ARHGAP32: variants seen among roughly 807,000 people sequenced by gnomAD.
ARHGAP32 encodes the protein Rho GTPase activating protein 32.
In ARHGAP32, 51 loss-of-function variants were observed where a neutral mutation model predicts 186.5. The ratio of observed to expected loss-of-function variants is 0.27; its 90% CI spans 0.22 to 0.35. ARHGAP32 has a LOEUF of 0.35. Ranked by LOEUF, ARHGAP32 falls within the 10% of genes least tolerant of loss-of-function variation. The pLI is 1.00. For synonymous variants in ARHGAP32, 950 were observed against 964.3 expected (o/e 0.99, Z 0.27); for missense variants, 2,186 against 2,623.5 (o/e 0.83, Z 3.64).
chr11:129,057,423 G>A (rs1940296659), intron 10 of ARHGAP32, among the ~76,000 whole-genome samples: 1 of 152,078 alleles, frequency 6.6e-6, no homozygotes, highest in Non-Finnish European at 1.5e-5. Flanking sequence ...AGCCCTAAAG[G>A]TGGCTCAACC....
chr11:129,192,761 C>A (rs1818367344), upstream of ARHGAP32, among the ~76,000 whole-genome samples: 1 of 152,140 alleles, frequency 6.6e-6, no homozygotes, highest in African/African-American at 2.4e-5. Context: ...TCTTTCCTTC[C>A]TCTCAGTAAG....
At chr11:129,016,573 C>T (rs1357776203) in intron 11 of ARHGAP32, among the ~76,000 whole-genome samples, 1 of 152,130 alleles carries the variant, frequency 6.6e-6, no homozygotes, top group Non-Finnish European at 1.5e-5. Flanking sequence ...GCATGTAAGA[C>T]GTCTGTTTCT....
At chr11:129,120,131 T>C (rs1169947562) in intron 5 of ARHGAP32, among the ~76,000 whole-genome samples, 3 of 152,064 alleles carry the variant, frequency 2.0e-5, no homozygotes, top group African/African-American at 7.2e-5. Context: ...TGTAAGGTGA[T>C]AGCAGAGAAG....
intron 6 of ARHGAP32, among the ~76,000 whole-genome samples, chr11:129,073,279 T>C (rs1294696931): frequency 6.6e-6 from 1 of 152,158 alleles, no homozygotes; most frequent in Non-Finnish European, 1.5e-5. Flanking sequence ...GAGTCAAAGA[T>C]GGCAGGAATG....
chr11:129,184,135 C>T (rs1944108931), intron 1 of ARHGAP32, among the ~76,000 whole-genome samples: 1 of 151,974 alleles, frequency 6.6e-6, no homozygotes, highest in African/African-American at 2.4e-5. Context: ...ATGCTTGCCC[C>T]CAGGGTACTA....
rs60940372 is a variant in ARHGAP32 at position 129,086,017 on chromosome 11, CA to C, written c.531+7603del. Among the ~76,000 whole-genome samples, 618 of 127,850 alleles carry C rather than the reference CA, an allele frequency of 4.8e-3. 9 individuals are homozygous for C. Among genetic ancestry groups the C allele is most frequent in the African/African-American group, 0.016 (542 of 34,832 alleles). 83.9% of individuals were successfully genotyped at this position (127,850 alleles called of 152,430 possible). On this transcript the variant is annotated intron_variant, in intron 6 of 22. Transcript: ENST00000682385. ...TCAAAAAAACAAACAAACAAACAAA[CA>C]AAAAAAAAAAACAAAAAAAAGAAGC... is the stretch of plus-strand genomic sequence containing the variant.
chr11:129,140,166 A>C (rs759413880), intron 2 of ARHGAP32, among the ~76,000 whole-genome samples: 4 of 152,192 alleles, frequency 2.6e-5, no homozygotes, highest in Non-Finnish European at 5.9e-5. Context: ...AGGGGGTCAC[A>C]TGAGAGGGAA....
chr11:129,055,566 T>C (rs7120533), intron 10 of ARHGAP32, among the ~76,000 whole-genome samples: 41,607 of 152,130 alleles, frequency 0.27, 6,161 homozygotes, highest in Middle Eastern at 0.41. Flanking sequence ...ATATAAACTG[T>C]GGCATATCCA....
intron 11 of ARHGAP32, among the ~76,000 whole-genome samples, chr11:129,040,036 C>A (rs1420874326): frequency 1.3e-5 from 2 of 152,116 alleles, no homozygotes; most frequent in African/African-American, 4.8e-5. Context: ...GTATTATTAA[C>A]CTTTACTTAA....
In ARHGAP32 at chr11:128,973,011, C is replaced by G. The variant is rs148691304; in HGVS notation, c.3495G>C (p.Gln1165His). 2.6e-4 allele frequency: 424 copies of G among 1,614,068 alleles called. 1 individual carries two copies. The African/African-American group carries it at 5.0e-3, about 19-fold the overall frequency. ...QHHQVDLTGN[Q>H]PHQAYLSGDP... The stretch of plus-strand genomic sequence containing the variant: ...CCCCAGATAAATATGCTTGATGTGG[C>G]TGATTCCCTGTTAAGTCTACTTGGT... The change falls in exon 22 of 23, where the codon CAG becomes CAC. Residue 1165 changes from glutamine to histidine, a missense_variant. This residue lies in a region of ARHGAP32 where 1,502 missense variants were observed against 1,570.0 expected (regional missense o/e 0.96). Coordinates refer to ENST00000682385, the MANE Select transcript of ARHGAP32 (RefSeq NM_001378024.1).
chr11:129,186,037 A>AG (rs1565461075), intron 1 of ARHGAP32, among the ~76,000 whole-genome samples: 2 of 152,144 alleles, frequency 1.3e-5, no homozygotes, highest in Non-Finnish European at 2.9e-5. Context: ...TTAAAAAAAA[A>AG]GAAAATTAAC....
At chr11:129,024,871 T>C (rs1420156487) in intron 11 of ARHGAP32, among the ~76,000 whole-genome samples, 1 of 152,190 alleles carries the variant, frequency 6.6e-6, no homozygotes, top group Non-Finnish European at 1.5e-5. Flanking sequence ...TTTTTAAAGC[T>C]TTAAAGATTC....
At chr11:129,132,510 T>C (rs1591640344) in intron 2 of ARHGAP32, among the ~76,000 whole-genome samples, 1 of 147,890 alleles carries the variant, frequency 6.8e-6, no homozygotes, top group Admixed American at 6.7e-5. Flanking sequence ...AAGACCACAG[T>C]GATCCCCATG....
At chr11:129,075,302 C>T (rs1397134689) in intron 6 of ARHGAP32, among the ~76,000 whole-genome samples, 1 of 151,974 alleles carries the variant, frequency 6.6e-6, no homozygotes, top group African/African-American at 2.4e-5. Context: ...TAAAGAGATG[C>T]CATACTAATT....
At chr11:129,173,654 T>C (rs1452088134) in intron 1 of ARHGAP32, among the ~76,000 whole-genome samples, 1 of 152,196 alleles carries the variant, frequency 6.6e-6, no homozygotes, top group African/African-American at 2.4e-5. Flanking sequence ...GGGATGCAAG[T>C]CTGGTTCAAC....
At chr11:129,265,351 C>A (rs1428686068) in intron 1 of ARHGAP32, among the ~76,000 whole-genome samples, 1 of 152,204 alleles carries the variant, frequency 6.6e-6, no homozygotes, top group African/African-American at 2.4e-5. Flanking sequence ...GATGGTAATT[C>A]TCTGTTGGGA....
chr11:129,225,621 T>C (rs115641976), intron 1 of ARHGAP32, among the ~76,000 whole-genome samples: 177 of 152,002 alleles, frequency 1.2e-3, no homozygotes, highest in African/African-American at 4.2e-3. Context: ...ACAGCAACAA[T>C]AAGGATCCTG....
In ARHGAP32 at chr11:128,968,891, C is replaced by G. The variant is rs1360511824; in HGVS notation, c.*16G>C. 6 of 1,465,602 alleles carry G rather than the reference C, an allele frequency of 4.1e-6. No individual in the cohort carries two copies. In the African/African-American group the frequency reaches 7.0e-5, roughly 17 times the overall value. 90.8% of individuals were successfully genotyped at this position (1,465,602 alleles called of 1,614,324 possible). A position where few individuals can be genotyped will look rare whatever the true frequency, so the allele number is the denominator to read the frequency against. The stretch of plus-strand genomic sequence containing the variant: ...CTGTCCAGCAGAGGCTGCTTCAACT[C>G]TATTGCTCGCAGGGCTCATTCTGCA... On this transcript the variant is annotated 3_prime_UTR_variant, in exon 23 of 23. Transcript: ENST00000682385.
chr11:129,195,108 A>G (rs538088969), upstream of ARHGAP32, among the ~76,000 whole-genome samples: 13 of 152,156 alleles, frequency 8.5e-5, no homozygotes. Context: ...AGCTGGGATT[A>G]TAAGTGTGTG....
Sources: gnomAD v4.1 joint callset for allele counts (sites outside exome capture counted in the v4.1 genomes callset) on GRCh38, gnomAD v4.1.1 for gene constraint, gnomAD v4.1.1 regional missense constraint, MANE v1.5 for transcripts, NCBI Gene and HGNC (gene_info 2026-07-23, HGNC 2026-07-21) for gene names.